RELN: variants seen among roughly 807,000 people sequenced by gnomAD.
The protein encoded by RELN is reelin.
A neutral mutation model predicts 427.6 loss-of-function variants in RELN; 108 were observed. That is an observed-to-expected ratio of 0.25 (90% CI 0.22 to 0.30). The LOEUF (loss-of-function observed/expected upper bound fraction) is 0.30. RELN is among the 10% of genes least tolerant of loss of function. The probability of loss-of-function intolerance (pLI) is 1.00; values close to 1 mark genes in which losing one functional copy is unlikely to be tolerated. For missense variants in RELN, 3,715 were observed against 4,302.8 expected (o/e 0.86, Z 3.82); for synonymous variants, 1,524 against 1,513.4 (o/e 1.01, Z -0.16).
In RELN at chr7:103,573,113, A is replaced by G. The variant is rs1016456454; in HGVS notation, c.4512-853T>C. 2.6e-5 allele frequency among the ~76,000 whole-genome samples: 4 copies of G among 152,052 alleles called. No individual in the cohort carries two copies. Among genetic ancestry groups the G allele is most frequent in the Non-Finnish European group, 5.9e-5 (4 of 68,000 alleles). ...GCCACCACACCCGGCTAATTTTTCTATTTTCAGTAGAGACAGGGTTTTGCC... is the reference window on the plus strand; with the variant it reads ...GCCACCACACCCGGCTAATTTTTCTGTTTTCAGTAGAGACAGGGTTTTGCC... On this transcript the variant is annotated intron_variant, in intron 30 of 64. Transcript: ENST00000428762. This position sits in a 1 kb window ranked among gnomAD's most constrained non-coding sequence, Gnocchi z 4.4.
intron 8 of RELN, among the ~76,000 whole-genome samples, chr7:103,710,258 A>G (rs1789761152): frequency 6.6e-6 from 1 of 152,224 alleles, no homozygotes; most frequent in Admixed American, 6.5e-5. Flanking sequence ...CTACTCCTTC[A>G]TCACGTTGCC....
chr7:103,916,347 T>G (rs1317494174), intron 2 of RELN, among the ~76,000 whole-genome samples: 1 of 152,208 alleles, frequency 6.6e-6, no homozygotes, highest in Non-Finnish European at 1.5e-5. Flanking sequence ...CTGTGTAATC[T>G]TTCAATTTTG....
intron 6 of RELN, among the ~76,000 whole-genome samples, chr7:103,741,534 T>C (rs1790655762): frequency 1.3e-5 from 2 of 150,882 alleles, no homozygotes; most frequent in African/African-American, 4.9e-5. Context: ...TGTACAAATA[T>C]ATCACAAGAG....
At chr7:103,613,394 C>T (rs78487527) in intron 20 of RELN, among the ~76,000 whole-genome samples, 1 of 152,088 alleles carries the variant, frequency 6.6e-6, no homozygotes, top group Non-Finnish European at 1.5e-5. Flanking sequence ...AAATATAAAA[C>T]CATGATTGCT....
At chr7:103,584,220 T>A (rs1334340876) in intron 28 of RELN, among the ~76,000 whole-genome samples, 1 of 152,180 alleles carries the variant, frequency 6.6e-6, no homozygotes, top group Non-Finnish European at 1.5e-5. Flanking sequence ...ATATCAGTAT[T>A]AGCCTTGAAC....
At chr7:103,944,780 TG>T (rs1312384956) in intron 1 of RELN, among the ~76,000 whole-genome samples, 4 of 152,132 alleles carry the variant, frequency 2.6e-5, no homozygotes, top group Non-Finnish European at 5.9e-5. Context: ...TTTTGCAGAC[TG>T]GGATGTAAGT....
At chr7:103,749,742 G>A (rs1790946755) in intron 5 of RELN, among the ~76,000 whole-genome samples, 1 of 152,174 alleles carries the variant, frequency 6.6e-6, no homozygotes, top group Admixed American at 6.5e-5. Context: ...AATCTATGAA[G>A]CTATCACTAG....
chr7:103,733,987 C>T (rs1790427824), intron 6 of RELN, among the ~76,000 whole-genome samples: 1 of 152,142 alleles, frequency 6.6e-6, no homozygotes, highest in Non-Finnish European at 1.5e-5. Flanking sequence ...TGAAATTCTA[C>T]TCTTCCTTTA....
chr7:103,641,724 C>A (rs1413386460), intron 16 of RELN, among the ~76,000 whole-genome samples: 1 of 152,110 alleles, frequency 6.6e-6, no homozygotes, highest in Non-Finnish European at 1.5e-5. Flanking sequence ...ATAATCAGCA[C>A]CATACTGAGG....
At chr7:103,893,907 A>G (rs764839130) in intron 2 of RELN, among the ~76,000 whole-genome samples, 4 of 152,180 alleles carry the variant, frequency 2.6e-5, no homozygotes, top group Non-Finnish European at 5.9e-5. Flanking sequence ...GCAGACTAAT[A>G]TATAAGTAAA....
At chr7:103,874,811 C>T (rs936438136) in intron 2 of RELN, among the ~76,000 whole-genome samples, 6 of 149,532 alleles carry the variant, frequency 4.0e-5, no homozygotes, top group Non-Finnish European at 7.4e-5. Flanking sequence ...CAATGCCATC[C>T]CCATCAAGCT....
chr7:103,486,833 T>TACTA (rs1208773237), intron 60 of RELN, among the ~76,000 whole-genome samples: 3 of 152,354 alleles, frequency 2.0e-5, no homozygotes, highest in Non-Finnish European at 4.4e-5. Context: ...TCAACCATTG[T>TACTA]AGAAGACAGT....
intron 64 of RELN, among the ~76,000 whole-genome samples, chr7:103,476,469 A>G (rs1828036282): frequency 1.3e-5 from 2 of 152,146 alleles, no homozygotes; most frequent in Admixed American, 6.6e-5. Context: ...CGACACGGTG[A>G]GACTCTGTCT....
chr7:103,481,680 A>G (rs889347604), intron 63 of RELN, among the ~76,000 whole-genome samples: 3 of 152,170 alleles, frequency 2.0e-5, no homozygotes, highest in Admixed American at 6.5e-5. Flanking sequence ...AGCCAGGGTA[A>G]AATGGTTCTA....
intron 28 of RELN, among the ~76,000 whole-genome samples, chr7:103,576,628 T>A (rs1831008754): frequency 6.6e-6 from 1 of 152,216 alleles, no homozygotes; most frequent in Non-Finnish European, 1.5e-5. Flanking sequence ...TTAGGACAGA[T>A]AAGGGAACTC....
At chr7:103,869,101 T>C (rs1414132918) in intron 2 of RELN, among the ~76,000 whole-genome samples, 3 of 151,982 alleles carry the variant, frequency 2.0e-5, no homozygotes, top group African/African-American at 7.2e-5. Context: ...GCATAAAGGG[T>C]TGGGGGCAAG....
chr7:103,844,362 A>G (rs1055310722), intron 2 of RELN, among the ~76,000 whole-genome samples: 2 of 152,128 alleles, frequency 1.3e-5, no homozygotes, highest in South Asian at 2.1e-4. Context: ...ACTCAGCACC[A>G]TGATTCAGAC....
intron 10 of RELN, among the ~76,000 whole-genome samples, chr7:103,683,309 C>T (rs1833693212): frequency 1.3e-5 from 2 of 152,076 alleles, no homozygotes; most frequent in South Asian, 2.1e-4. Context: ...ATATAGCAGG[C>T]ATTAAAAAAT....
intron 3 of RELN, among the ~76,000 whole-genome samples, chr7:103,797,332 C>T (rs1792331798): frequency 6.6e-6 from 1 of 152,140 alleles, no homozygotes; most frequent in Non-Finnish European, 1.5e-5. Flanking sequence ...CTCGAACTCC[C>T]AACCTCAGGT....
Sources: allele counts gnomAD v4.1 joint callset (sites outside exome capture counted in the v4.1 genomes callset), GRCh38; gene constraint gnomAD v4.1.1; non-coding constraint Gnocchi (gnomAD v3.1); transcripts MANE v1.5; gene names NCBI Gene and HGNC (gene_info 2026-07-23, HGNC 2026-07-21).